The following GNB4 variants were observed in gnomAD, a reference collection of about 807,000 sequenced individuals.
The protein encoded by GNB4 is G protein subunit beta 4.
GNB4 carries 28 observed loss-of-function variants against 45.2 expected under a neutral mutation model. The ratio of observed to expected loss-of-function variants is 0.62; its 90% CI spans 0.46 to 0.85. GNB4 has a LOEUF of 0.85. GNB4 is among the 40% of genes least tolerant of loss of function. The pLI is 0.00. For synonymous variants in GNB4, 132 were observed against 143.7 expected (o/e 0.92, Z 0.58); for missense variants, 321 against 425.4 (o/e 0.75, Z 2.16).
At chr3:179,496,692 T>C in the GNB4 span, among the ~76,000 whole-genome samples, 1 of 152,088 alleles carries the variant, frequency 6.6e-6, no homozygotes. Flanking sequence ...GGGGTAGCTA[T>C]ACTTATAGGA....
the GNB4 span, among the ~76,000 whole-genome samples, chr3:179,462,313 G>A: frequency 6.6e-6 from 1 of 152,178 alleles, no homozygotes; most frequent in South Asian, 2.1e-4. Flanking sequence ...GCAGTACTTG[G>A]TCTAAACTAC....
chr3:179,480,147 A>G, the GNB4 span, among the ~76,000 whole-genome samples: 5 of 152,254 alleles, frequency 3.3e-5, no homozygotes, highest in Non-Finnish European at 7.3e-5. Flanking sequence ...GTTACAACAC[A>G]GCAAGAAAGG....
intron 6 of GNB4, 114 bp downstream of exon 6, chr3:179,414,771 C>T: frequency 1.5e-6 from 1 of 685,234 alleles, no homozygotes. Context: ...ATTTCATTCC[C>T]ACCCGATTAA....
chr3:179,397,612 G>A lies in GNB4; in HGVS notation c.*3601C>T, dbSNP rs9872894. ...GAAGACGGAATTCAATGTGGTGTGTGTAATCACAAGTAAAAACTTGAGCTA... is the reference window on the plus strand; with the variant it reads ...GAAGACGGAATTCAATGTGGTGTGTATAATCACAAGTAAAAACTTGAGCTA... On this transcript the variant is annotated 3_prime_UTR_variant, in exon 10 of 10. Transcript: ENST00000232564. 7,835 of 152,654 alleles carry A rather than the reference G, an allele frequency of 0.051. 646 individuals carry two copies. The highest frequency in any genetic ancestry group is 0.18 in the African/African-American group (7,425 of 41,490). 9.5% of individuals were successfully genotyped at this position (152,654 alleles called of 1,614,324 possible). A position where few individuals can be genotyped will look rare whatever the true frequency, so the allele number is the denominator to read the frequency against.
At chr3:179,506,571 A>G in the GNB4 span, among the ~76,000 whole-genome samples, 1 of 152,230 alleles carries the variant, frequency 6.6e-6, no homozygotes, top group African/African-American at 2.4e-5. Context: ...AATGAAAAAG[A>G]AAGGATGGCA....
the GNB4 span, among the ~76,000 whole-genome samples, chr3:179,526,825 C>G: frequency 6.6e-6 from 1 of 152,174 alleles, no homozygotes; most frequent in Non-Finnish European, 1.5e-5. Context: ...TTCAGTATTA[C>G]ACACCTAGGA....
chr3:179,397,551 T>C lies in GNB4; in HGVS notation c.*3662A>G, dbSNP rs1026733855. ...GAAGGGAATTGCTGAACAGGCCCTT[T>C]TGCTGTTGAGATATGAAGCCCAAAT... On this transcript the variant is annotated 3_prime_UTR_variant, in exon 10 of 10. Coordinates refer to ENST00000232564, the MANE Select transcript of GNB4 (RefSeq NM_021629.4). 2 of 152,620 alleles carry C rather than the reference T, an allele frequency of 1.3e-5. No homozygotes were observed. Among genetic ancestry groups the C allele is most frequent in the South Asian group, 2.1e-4 (1 of 4,824 alleles). 9.5% of individuals were successfully genotyped at this position (152,620 alleles called of 1,614,324 possible). A position where few individuals can be genotyped will look rare whatever the true frequency, so the allele number is the denominator to read the frequency against.
upstream of GNB4, among the ~76,000 whole-genome samples, chr3:179,454,274 C>T (rs1318627882): frequency 6.6e-6 from 1 of 152,164 alleles, no homozygotes; most frequent in Non-Finnish European, 1.5e-5. Context: ...AGACAAAATC[C>T]TTGTCCGTTT....
the GNB4 span, among the ~76,000 whole-genome samples, chr3:179,477,367 T>C: frequency 1.3e-5 from 2 of 152,248 alleles, no homozygotes; most frequent in African/African-American, 2.4e-5. Flanking sequence ...TGCTTAGGAA[T>C]TTCTTCCACC....
At chr3:179,458,614 C>T in the GNB4 span, among the ~76,000 whole-genome samples, 2 of 152,260 alleles carry the variant, frequency 1.3e-5, no homozygotes, top group East Asian at 3.9e-4. Context: ...TATAAAATGG[C>T]ATGGTATTTG....
At chr3:179,471,092 T>C in the GNB4 span, among the ~76,000 whole-genome samples, 1 of 148,918 alleles carries the variant, frequency 6.7e-6, no homozygotes, top group Non-Finnish European at 1.5e-5. Context: ...GGCAGGAGAA[T>C]GGAGTGAACC....
chr3:179,453,609 A>G (rs1252225607), upstream of GNB4, among the ~76,000 whole-genome samples: 3 of 152,210 alleles, frequency 2.0e-5, no homozygotes, highest in Admixed American at 1.3e-4. Flanking sequence ...GGAAATATAA[A>G]TGAACAGCTC....
chr3:179,401,164 C>G lies in GNB4; in HGVS notation c.*49G>C. ...ATTTTTTCACAGCTATAGGCTGTAG[C>G]ATTGATTTCTCCAGATATATCAATG... On this transcript the variant is annotated 3_prime_UTR_variant, in exon 10 of 10. Coordinates refer to ENST00000232564, the MANE Select transcript of GNB4 (RefSeq NM_021629.4). 1 of 1,309,634 alleles carries G rather than the reference C, an allele frequency of 7.6e-7. No individual in the cohort carries two copies. Among genetic ancestry groups the G allele is most frequent in the Non-Finnish European group, 1.1e-6 (1 of 917,284 alleles). 81.1% of individuals were successfully genotyped at this position (1,309,634 alleles called of 1,614,324 possible).
the GNB4 span, among the ~76,000 whole-genome samples, chr3:179,496,524 A>G: frequency 6.6e-6 from 1 of 152,186 alleles, no homozygotes; most frequent in African/African-American, 2.4e-5. Context: ...AATGGATTAA[A>G]TTATCTAATC....
chr3:179,456,086 T>A (rs989433390), upstream of GNB4, among the ~76,000 whole-genome samples: 1 of 151,398 alleles, frequency 6.6e-6, no homozygotes, highest in African/African-American at 2.4e-5. Flanking sequence ...CAGTCACAAA[T>A]TCATGTAATA....
At chr3:179,446,628 T>G (rs1715738950) in intron 1 of GNB4, among the ~76,000 whole-genome samples, 1 of 152,210 alleles carries the variant, frequency 6.6e-6, no homozygotes, top group African/African-American at 2.4e-5. Flanking sequence ...TCTAGGTTCT[T>G]GTATTTTAGT....
At chr3:179,524,578 G>T in the GNB4 span, among the ~76,000 whole-genome samples, 1 of 152,124 alleles carries the variant, frequency 6.6e-6, no homozygotes, top group Admixed American at 6.6e-5. Context: ...GGGGTTTGAG[G>T]GCCAGGATCT....
chr3:179,520,282 C>G, the GNB4 span, among the ~76,000 whole-genome samples: 1 of 151,916 alleles, frequency 6.6e-6, no homozygotes, highest in East Asian at 1.9e-4. Context: ...CAGCTGTTAC[C>G]TATCTCGGCA....
At chr3:179,512,913 G>A in the GNB4 span, among the ~76,000 whole-genome samples, 4 of 152,014 alleles carry the variant, frequency 2.6e-5, no homozygotes, top group African/African-American at 9.7e-5. Context: ...TTTTCCAAAC[G>A]TGTTACCATT....
Sources: gnomAD v4.1 joint callset for allele counts (sites outside exome capture counted in the v4.1 genomes callset) on GRCh38, gnomAD v4.1.1 for gene constraint, MANE v1.5 for transcripts, NCBI Gene and HGNC (gene_info 2026-07-23, HGNC 2026-07-21) for gene names.